Variants in LRRC75A observed in about 807,000 individuals in gnomAD.
LRRC75A encodes leucine-rich repeat-containing protein 75A.
In LRRC75A, 12 loss-of-function variants were observed where a neutral mutation model predicts 26.0. The observed-to-expected ratio is 0.46, with a 90% CI of 0.30 to 0.75. LRRC75A has a LOEUF of 0.75. Ranked by LOEUF, LRRC75A falls within the 30% of genes least tolerant of loss-of-function variation. The pLI is 0.08. For synonymous variants in LRRC75A, 223 were observed against 219.3 expected (o/e 1.02, Z -0.15); for missense variants, 410 against 486.6 (o/e 0.84, Z 1.48).
chr17:16,467,112 AAT>A (rs1292567399), intron 1 of LRRC75A, among the ~76,000 whole-genome samples: 2 of 152,220 alleles, frequency 1.3e-5, no homozygotes, highest in Non-Finnish European at 2.9e-5. Context: ...TCCTTTGGAA[AAT>A]ATAGTTATTT....
At chr17:16,456,484 G>A (rs1022574132) in intron 2 of LRRC75A, among the ~76,000 whole-genome samples, 11 of 151,570 alleles carry the variant, frequency 7.3e-5, no homozygotes, top group Non-Finnish European at 1.5e-4. Context: ...AGAAGAGGAG[G>A]AGGAAGAGGA....
At chr17:16,466,968 A>G (rs1268606028) in intron 1 of LRRC75A, among the ~76,000 whole-genome samples, 2 of 152,148 alleles carry the variant, frequency 1.3e-5, no homozygotes, top group East Asian at 3.8e-4. Flanking sequence ...TTTTCTTCAT[A>G]GATGTCAATT....
Position 16,462,430 on chromosome 17 carries a change from C to T in LRRC75A, c.247-44G>A, listed in dbSNP as rs761466562. 28 of 1,609,572 alleles carry T rather than the reference C, an allele frequency of 1.7e-5. No homozygotes were observed. In the Admixed American group the frequency reaches 4.0e-4, roughly 23 times the overall value. On this transcript the variant is annotated intron_variant, in intron 1 of 3. Transcript: ENST00000470794. This position sits in a 1 kb window ranked among gnomAD's most constrained non-coding sequence, Gnocchi z 4.6. Reference sequence around the variant, plus strand: ...CCCAGAGGTCAGGGCTGGCTGCCCACCCAGCTCGCCCACCATCCCCAAGAG... The same window carrying T: ...CCCAGAGGTCAGGGCTGGCTGCCCATCCAGCTCGCCCACCATCCCCAAGAG...
intron 1 of LRRC75A, among the ~76,000 whole-genome samples, chr17:16,476,569 T>C (rs1387627722): frequency 1.3e-5 from 2 of 151,366 alleles, no homozygotes; most frequent in African/African-American, 4.9e-5. Flanking sequence ...GTATTTCAGA[T>C]TTCTTTTTTT....
At position 16,491,642 on chromosome 17, in the gene LRRC75A, C is replaced by G; in HGVS notation, c.246+103G>C. ...CCGCGGAAGGGGCCCCTGGGCGGTG[C>G]CCCTCGGTGCCCCCGGCTTCCTCGG... On this transcript the variant is annotated intron_variant, in intron 1 of 3. Transcript: ENST00000470794. The surrounding 1 kb of genome is among the most constrained non-coding windows in gnomAD (Gnocchi z 5.9). 1.2e-6 allele frequency: 1 copy of G among 861,860 alleles called. No individual in the cohort carries two copies. The highest frequency in any genetic ancestry group is 4.6e-5 in the Admixed American group (1 of 21,830). The allele number at this position is 861,860 out of a possible 1,614,324, so 53.4% of individuals were successfully genotyped here.
In LRRC75A at chr17:16,489,867, C is replaced by A. The variant is rs868575112; in HGVS notation, c.246+1878G>T. 1.2e-4 allele frequency among the ~76,000 whole-genome samples: 19 copies of A among 152,212 alleles called. No individual in the cohort carries two copies. The Middle Eastern group carries it at 0.014, about 109-fold the overall frequency. On this transcript the variant is annotated intron_variant, in intron 1 of 3. Coordinates refer to ENST00000470794, the MANE Select transcript of LRRC75A (RefSeq NM_001113567.3). ...GGGGGAAGTCTGATAAGCCCCCTCC[C>A]ACCCCCCCATCAGCCCTCCCAGTCC...
At chr17:16,459,528 G>A (rs146858477) in intron 2 of LRRC75A, among the ~76,000 whole-genome samples, 106 of 152,334 alleles carry the variant, frequency 7.0e-4, no homozygotes, top group South Asian at 4.8e-3. Flanking sequence ...GTGGCAAGTG[G>A]GAGAGGGGAG....
At chr17:16,449,573 AT>A (rs1229487740) in intron 2 of LRRC75A, among the ~76,000 whole-genome samples, 26 of 152,300 alleles carry the variant, frequency 1.7e-4, no homozygotes, top group African/African-American at 6.3e-4. Context: ...AGGAGGGAAG[AT>A]GACTTCTGCC....
chr17:16,445,833 G>C (rs2093579852), intron 3 of LRRC75A, among the ~76,000 whole-genome samples: 1 of 152,208 alleles, frequency 6.6e-6, no homozygotes, highest in Non-Finnish European at 1.5e-5. Context: ...AGCTGGGTTT[G>C]AATTCAGCCC....
intron 2 of LRRC75A, among the ~76,000 whole-genome samples, chr17:16,459,406 C>G (rs1026055387): frequency 4.6e-5 from 7 of 152,142 alleles, no homozygotes; most frequent in African/African-American, 1.4e-4. Flanking sequence ...GCAACTCAGA[C>G]AGAAGAGGCT....
Position 16,491,671 on chromosome 17 carries a change from G to GGGAT in LRRC75A, c.246+70_246+73dup. On this transcript the variant is annotated intron_variant, in intron 1 of 3. Transcript: ENST00000470794. The surrounding 1 kb of genome is among the most constrained non-coding windows in gnomAD (Gnocchi z 5.9). ...TCGGTGCCCCCGGCTTCCTCGGTTAGGGATGGGGCGCCCCCCCCGGCCCAG... is the reference window on the plus strand; with the variant it reads ...TCGGTGCCCCCGGCTTCCTCGGTTAGGGATGGATGGGGCGCCCCCCCCGGCCCAG... The GGGAT allele has an allele frequency of 8.8e-7, 1 of 1,137,006 alleles. No individual in the cohort carries two copies. 70.4% of individuals were successfully genotyped at this position (1,137,006 alleles called of 1,614,324 possible). A position where few individuals can be genotyped will look rare whatever the true frequency, so the allele number is the denominator to read the frequency against.
chr17:16,462,411 G>A lies in LRRC75A; in HGVS notation c.247-25C>T, dbSNP rs1158211826. 6.2e-7 allele frequency: 1 copy of A among 1,612,958 alleles called. No individual in the cohort carries two copies. The highest frequency in any genetic ancestry group is 1.3e-5 in the African/African-American group (1 of 74,928). On this transcript the variant is annotated intron_variant, in intron 1 of 3. Coordinates refer to ENST00000470794, the MANE Select transcript of LRRC75A (RefSeq NM_001113567.3). The surrounding 1 kb of genome is among the most constrained non-coding windows in gnomAD (Gnocchi z 4.6). The stretch of plus-strand genomic sequence containing the variant: ...CCTGCAAGAGCAAAGGATGCCCAGA[G>A]GTCAGGGCTGGCTGCCCACCCAGCT...
At chr17:16,472,489 C>T (rs1038934559) in intron 1 of LRRC75A, among the ~76,000 whole-genome samples, 7 of 152,108 alleles carry the variant, frequency 4.6e-5, no homozygotes, top group Non-Finnish European at 8.8e-5. Context: ...CTTGACTGCT[C>T]CAGAGAGGGG....
chr17:16,474,144 A>G (rs1307832862), intron 1 of LRRC75A, among the ~76,000 whole-genome samples: 1 of 148,804 alleles, frequency 6.7e-6, no homozygotes, highest in African/African-American at 2.5e-5. Flanking sequence ...CTCCATGGTC[A>G]TGGCTCTGCC....
intron 3 of LRRC75A, 38 bp downstream of exon 3, chr17:16,447,807 C>T: frequency 6.9e-7 from 1 of 1,449,998 alleles, no homozygotes; most frequent in South Asian, 1.3e-5. Context: ...AACACACACT[C>T]AGCCTGGCAT....
intron 1 of LRRC75A, among the ~76,000 whole-genome samples, chr17:16,485,994 C>A (rs939608635): frequency 6.6e-6 from 1 of 152,200 alleles, no homozygotes; most frequent in African/African-American, 2.4e-5. Context: ...ACAGTAGAAA[C>A]ACTTCAGAAG....
intron 2 of LRRC75A, among the ~76,000 whole-genome samples, chr17:16,452,242 A>G (rs2093638732): frequency 6.7e-6 from 1 of 148,574 alleles, no homozygotes; most frequent in Admixed American, 6.7e-5. Context: ...CTGCAGTCCC[A>G]GCTACCCGGG....
At position 16,491,718 on chromosome 17, in the gene LRRC75A, C is replaced by G. The variant is rs368307828; in HGVS notation, c.246+27G>C. On this transcript the variant is annotated intron_variant, in intron 1 of 3. Transcript: ENST00000470794. This position sits in a 1 kb window ranked among gnomAD's most constrained non-coding sequence, Gnocchi z 5.9. ...CCAGCACGCCCCCTGGCCCGGCGCGCCCCCCGCGCCCCCTCCCCGCGCTCA... is the reference window on the plus strand; with the variant it reads ...CCAGCACGCCCCCTGGCCCGGCGCGGCCCCCGCGCCCCCTCCCCGCGCTCA... 4 of 1,297,316 alleles carry G rather than the reference C, an allele frequency of 3.1e-6. No homozygotes were observed. In the South Asian group the frequency reaches 8.2e-5, roughly 26 times the overall value. 80.4% of individuals were successfully genotyped at this position (1,297,316 alleles called of 1,614,324 possible).
At chr17:16,458,551 C>T (rs2093703143) in intron 2 of LRRC75A, among the ~76,000 whole-genome samples, 1 of 151,812 alleles carries the variant, frequency 6.6e-6, no homozygotes, top group Non-Finnish European at 1.5e-5. Flanking sequence ...CGGCAACCTC[C>T]GCCTGCCGGG....
Sources: allele counts gnomAD v4.1 joint callset (sites outside exome capture counted in the v4.1 genomes callset), GRCh38; gene constraint gnomAD v4.1.1; non-coding constraint Gnocchi (gnomAD v3.1); transcripts MANE v1.5; gene names NCBI Gene and HGNC (gene_info 2026-07-23, HGNC 2026-07-21).